Variants in LRGUK observed in about 807,000 individuals in gnomAD.
LRGUK encodes the protein leucine rich repeats and guanylate kinase domain containing.
Under a neutral mutation model 76.0 loss-of-function variants are expected in LRGUK, and 65 were observed. That is an observed-to-expected ratio of 0.85 (90% CI 0.70 to 1.05). LRGUK has a LOEUF of 1.05. Among genes scored for constraint, LRGUK ranks in the 50% least tolerant of loss-of-function variants. LRGUK has a pLI of 0.00. For synonymous variants in LRGUK, 268 were observed against 265.6 expected (o/e 1.01, Z -0.09); for missense variants, 758 against 732.8 (o/e 1.03, Z -0.40).
At chr7:134,135,847 G>A (rs755083314) in intron 1 of LRGUK, among the ~76,000 whole-genome samples, 7 of 152,152 alleles carry the variant, frequency 4.6e-5, no homozygotes, top group Non-Finnish European at 7.4e-5. Context: ...TAGTAGAGAC[G>A]GGGTTTCACC....
chr7:134,168,068 G>T (rs370053462), intron 7 of LRGUK, among the ~76,000 whole-genome samples: 27 of 152,204 alleles, frequency 1.8e-4, no homozygotes, highest in African/African-American at 5.8e-4. Context: ...AAGAATATTT[G>T]TTTTCTTGGC....
chr7:134,127,604 C>G lies in LRGUK; in HGVS notation c.237C>G (p.Asp79Glu), dbSNP rs765398188. 7 of 1,614,204 alleles carry G rather than the reference C, an allele frequency of 4.3e-6. No individual in the cohort carries two copies. The South Asian group carries it at 7.7e-5, about 18-fold the overall frequency. The stretch of plus-strand genomic sequence containing the variant: ...AGCTGGACTCGGACGGAGATGAGGA[C>G]CAGGGCGAGGGCGAGGCGGGATCCG... Residue 79 changes from aspartate (D) to glutamate (E), a missense_variant, in exon 1 of 16, where the codon GAC (aspartate) becomes GAG (glutamate). Transcript: ENST00000645682.
intron 10 of LRGUK, among the ~76,000 whole-genome samples, chr7:134,182,161 G>A (rs113648058): frequency 8.2e-4 from 125 of 152,188 alleles, no homozygotes; most frequent in African/African-American, 2.8e-3. Context: ...AAATGCATTC[G>A]AGTTGTTGCA....
At chr7:134,229,012 GAAACATA>G (rs1208282779) in intron 16 of LRGUK, among the ~76,000 whole-genome samples, 2 of 152,084 alleles carry the variant, frequency 1.3e-5, no homozygotes, top group African/African-American at 4.8e-5. Context: ...AAGATTATTA[GAAACATA>G]AAACATATAA....
chr7:134,173,224 T>C (rs1799332927), intron 7 of LRGUK, among the ~76,000 whole-genome samples: 1 of 152,232 alleles, frequency 6.6e-6, no homozygotes, highest in Non-Finnish European at 1.5e-5. Context: ...GTGTTCAGGT[T>C]GTAGATTGCA....
chr7:134,244,606 G>A (rs1157198042), intron 16 of LRGUK, among the ~76,000 whole-genome samples: 1 of 152,180 alleles, frequency 6.6e-6, no homozygotes, highest in Non-Finnish European at 1.5e-5. Flanking sequence ...ACTGTTGGTG[G>A]GACTGTAAAC....
rs1800690423 is a variant in LRGUK at position 134,199,993 on chromosome 7, TA to T, written c.1747+573del. Among the ~76,000 whole-genome samples the T allele has an allele frequency of 7.2e-5, 8 of 111,306 alleles. 1 individual carries two copies. The highest frequency in any genetic ancestry group is 2.9e-4 in the African/African-American group (8 of 27,788). 73.0% of individuals were successfully genotyped at this position (111,306 alleles called of 152,430 possible). On this transcript the variant is annotated intron_variant, in intron 14 of 15. Transcript: ENST00000645682. Reference sequence around the variant, plus strand: ...TATTCTAGAAACTTTTATATATATATATATATATATATATATATATATATAT... The same window carrying T: ...TATTCTAGAAACTTTTATATATATATTATATATATATATATATATATATAT...
intron 7 of LRGUK, among the ~76,000 whole-genome samples, chr7:134,171,415 CAT>C (rs1403123310): frequency 1.3e-5 from 2 of 151,200 alleles, no homozygotes; most frequent in East Asian, 1.9e-4. Flanking sequence ...GTATATATAA[CAT>C]ATATTTATAT....
intron 17 of LRGUK, among the ~76,000 whole-genome samples, chr7:134,248,556 A>C (rs901177357): frequency 1.3e-5 from 2 of 152,216 alleles, no homozygotes; most frequent in African/African-American, 4.8e-5. Context: ...ATTTTTAGAA[A>C]TATTTTACTT....
intron 1 of LRGUK, among the ~76,000 whole-genome samples, chr7:134,130,573 A>G (rs770145997): frequency 3.9e-5 from 6 of 152,344 alleles, no homozygotes; most frequent in South Asian, 2.1e-4. Context: ...AATATGCTAA[A>G]TAAACTGAAA....
chr7:134,195,686 C>G (rs992375257), intron 12 of LRGUK, among the ~76,000 whole-genome samples: 6 of 151,456 alleles, frequency 4.0e-5, no homozygotes, highest in Non-Finnish European at 8.8e-5. Flanking sequence ...CCAGCAGATG[C>G]AATAAACAAG....
chr7:134,127,847 C>G (rs574321944), intron 1 of LRGUK, among the ~76,000 whole-genome samples, 183 bp downstream of exon 1: 1 of 152,030 alleles, frequency 6.6e-6, no homozygotes, highest in Non-Finnish European at 1.5e-5. Flanking sequence ...TTTCTCACCC[C>G]CTGCCTGAAA....
downstream of LRGUK, among the ~76,000 whole-genome samples, chr7:134,213,065 T>G (rs1801335862): frequency 6.6e-6 from 1 of 151,998 alleles, no homozygotes; most frequent in Admixed American, 6.6e-5. Context: ...AGAGGGGAAG[T>G]TTTCTTAGAA....
chr7:134,200,010 A>ATATATATATG (rs1800694886), intron 14 of LRGUK, among the ~76,000 whole-genome samples: 1 of 129,294 alleles, frequency 7.7e-6, no homozygotes, highest in South Asian at 2.5e-4. Flanking sequence ...ATATATATAT[A>ATATATATATG]TATATATATA....
At position 134,151,619 on chromosome 7, in the gene LRGUK, G is replaced by A. The variant is rs374115322; in HGVS notation, c.670+3300G>A. ...ACAGGCTTGTCTCACTCATGATGTA[G>A]CTGTAAAAGTCCTAAACAAAATATT... On this transcript the variant is annotated intron_variant, in intron 5 of 15. Transcript: ENST00000645682. 8.5e-5 allele frequency among the ~76,000 whole-genome samples: 13 copies of A among 152,112 alleles called. 1 individual carries two copies. Among genetic ancestry groups the A allele is most frequent in the African/African-American group, 3.1e-4 (13 of 41,524 alleles).
At chr7:134,145,890 A>T (rs982282383) in intron 4 of LRGUK, among the ~76,000 whole-genome samples, 1 of 152,230 alleles carries the variant, frequency 6.6e-6, no homozygotes, top group African/African-American at 2.4e-5. Context: ...TTACTAGGTG[A>T]AAAATGTTAA....
chr7:134,232,167 A>G (rs553363975), intron 16 of LRGUK, among the ~76,000 whole-genome samples: 1 of 152,342 alleles, frequency 6.6e-6, no homozygotes, highest in Non-Finnish European at 1.5e-5. Context: ...GGATAAGGTC[A>G]GTGTATCCCT....
At chr7:134,238,523 A>T (rs1332527364) in intron 16 of LRGUK, among the ~76,000 whole-genome samples, 1 of 151,572 alleles carries the variant, frequency 6.6e-6, no homozygotes, top group Non-Finnish European at 1.5e-5. Context: ...TATTTCTTCT[A>T]GTTTAGTTTT....
chr7:134,190,403 TCACTATGTTGCC>T (rs763515252), intron 11 of LRGUK, among the ~76,000 whole-genome samples: 6 of 152,136 alleles, frequency 3.9e-5, no homozygotes, highest in Non-Finnish European at 7.4e-5. Context: ...AGACAGAATC[TCACTATGTTGCC>T]CAGGCTGGTC....
Sources: allele counts gnomAD v4.1 joint callset (sites outside exome capture counted in the v4.1 genomes callset), GRCh38; gene constraint gnomAD v4.1.1; transcripts MANE v1.5; gene names NCBI Gene and HGNC (gene_info 2026-07-23, HGNC 2026-07-21).